Variants in FBXW8 observed in about 807,000 individuals in gnomAD.
FBXW8 encodes F-box/WD repeat-containing protein 8.
A neutral mutation model predicts 65.3 loss-of-function variants in FBXW8; 57 were observed. The ratio of observed to expected loss-of-function variants is 0.87; its 90% CI spans 0.71 to 1.09. The LOEUF (loss-of-function observed/expected upper bound fraction) is 1.09. Ranked by LOEUF, FBXW8 falls within the 50% of genes least tolerant of loss-of-function variation. FBXW8 has a pLI of 0.00. For synonymous variants in FBXW8, 308 were observed against 330.2 expected (o/e 0.93, Z 0.73); for missense variants, 777 against 814.8 (o/e 0.95, Z 0.57).
intron 3 of FBXW8, 104 bp from the exon 4 acceptor site, chr12:116,949,514 A>G: frequency 1.1e-6 from 1 of 938,172 alleles, no homozygotes; most frequent in Non-Finnish European, 1.7e-6. Context: ...CTTGTTGTCC[A>G]TGCTGTAGAG....
At chr12:116,913,614 G>C (rs1352029659) in intron 1 of FBXW8, among the ~76,000 whole-genome samples, 5 of 152,118 alleles carry the variant, frequency 3.3e-5, no homozygotes, top group African/African-American at 1.2e-4. Context: ...CTTCATGCTG[G>C]GTAGGCTGCT....
chr12:116,913,273 G>A (rs1302767830), intron 1 of FBXW8, among the ~76,000 whole-genome samples: 1 of 152,186 alleles, frequency 6.6e-6, no homozygotes, highest in African/African-American at 2.4e-5. Flanking sequence ...AGAGGTATAG[G>A]CATTGATGCC....
chr12:116,975,638 A>T lies in FBXW8; in HGVS notation c.836-9568A>T, dbSNP rs568877530. Among the ~76,000 whole-genome samples, 3 of 152,340 alleles carry T rather than the reference A, an allele frequency of 2.0e-5. No homozygotes were observed. In the East Asian group the frequency reaches 5.8e-4, roughly 29 times the overall value. On this transcript the variant is annotated intron_variant, in intron 5 of 10. Coordinates refer to ENST00000652555, the MANE Select transcript of FBXW8 (RefSeq NM_153348.3). ...AGAGAAAACTGGCAGATACCACCTT[A>T]ACCAAGTGATGATAGTTAACATGGC... is the stretch of plus-strand genomic sequence containing the variant.
intron 7 of FBXW8, among the ~76,000 whole-genome samples, chr12:116,998,850 T>A (rs1953442665): frequency 6.6e-6 from 1 of 152,256 alleles, no homozygotes; most frequent in Non-Finnish European, 1.5e-5. Flanking sequence ...GCAAATGGCC[T>A]ATGTGAGTTG....
rs1881478481 is a variant in FBXW8, at chr12:116,928,145, G to T, written c.423+18G>T. 1 of 1,467,772 alleles carries T rather than the reference G, an allele frequency of 6.8e-7. No individual in the cohort carries two copies. The highest frequency in any genetic ancestry group is 1.2e-5 in the South Asian group (1 of 85,972). 90.9% of individuals were successfully genotyped at this position (1,467,772 alleles called of 1,614,324 possible). A position where few individuals can be genotyped will look rare whatever the true frequency, so the allele number is the denominator to read the frequency against. The stretch of plus-strand genomic sequence containing the variant: ...GTGCACAGGTAAGGTGTCACCAACA[G>T]ATGTTCCAGATTTTCCTAAATGTGT... On this transcript the variant is annotated intron_variant, in intron 2 of 10. Transcript: ENST00000652555.
rs768185404 is a variant in FBXW8 at position 117,024,252 on chromosome 12, A to C, written c.1473A>C (p.Gly491=). Residue 491 remains glycine, a synonymous_variant, in exon 9 of 11, where the codon GGA becomes GGC. Coordinates refer to ENST00000652555, the MANE Select transcript of FBXW8 (RefSeq NM_153348.3). ...VQMDDWKIVS[G]GEEGLVSVWD... Reference sequence around the variant, plus strand: ...TGGATGACTGGAAGATCGTCAGTGGAGGCGAGGAAGGCCTGGTGTCCGTGT... The same window carrying C: ...TGGATGACTGGAAGATCGTCAGTGGCGGCGAGGAAGGCCTGGTGTCCGTGT... 1 of 1,614,130 alleles carries C rather than the reference A, an allele frequency of 6.2e-7. No homozygotes were observed. Among genetic ancestry groups the C allele is most frequent in the Non-Finnish European group, 8.5e-7 (1 of 1,180,016 alleles).
intron 2 of FBXW8, among the ~76,000 whole-genome samples, chr12:116,935,160 AAG>A (rs1472317111): frequency 6.6e-6 from 1 of 152,228 alleles, no homozygotes; most frequent in Non-Finnish European, 1.5e-5. Context: ...AATAAAGAAA[AAG>A]AGGGAAGATG....
In FBXW8 at chr12:117,029,962, A is replaced by G. The variant is rs541728889; in HGVS notation, c.*1790A>G. 9.2e-5 allele frequency: 14 copies of G among 152,286 alleles called. No individual in the cohort carries two copies. The highest frequency in any genetic ancestry group is 7.8e-4 in the Admixed American group (12 of 15,294). The allele number at this position is 152,286 out of a possible 1,614,324, so 9.4% of individuals were successfully genotyped here. A position where few individuals can be genotyped will look rare whatever the true frequency, so the allele number is the denominator to read the frequency against. ...CAAAATATACAACTCTTGATAAAACATAAAGGTACAGTGGTCTATGAGGAA... is the reference window on the plus strand; with the variant it reads ...CAAAATATACAACTCTTGATAAAACGTAAAGGTACAGTGGTCTATGAGGAA... On this transcript the variant is annotated 3_prime_UTR_variant, in exon 11 of 11. Transcript: ENST00000652555.
At chr12:117,027,095 G>T (rs556720642) in intron 9 of FBXW8, among the ~76,000 whole-genome samples, 2 of 152,208 alleles carry the variant, frequency 1.3e-5, no homozygotes, top group African/African-American at 4.8e-5. Context: ...TGGCTGATTC[G>T]TCTGCAGTAG....
At chr12:117,014,739 G>A (rs1953906925) in intron 8 of FBXW8, among the ~76,000 whole-genome samples, 1 of 152,172 alleles carries the variant, frequency 6.6e-6, no homozygotes, top group Non-Finnish European at 1.5e-5. Context: ...TGCCACATGG[G>A]TTGGCAGTGG....
In FBXW8 at chr12:117,028,208, G is replaced by A; in HGVS notation, c.*36G>A. 1 of 1,609,808 alleles carries A rather than the reference G, an allele frequency of 6.2e-7. No homozygotes were observed. Among genetic ancestry groups the A allele is most frequent in the Non-Finnish European group, 8.5e-7 (1 of 1,177,370 alleles). On this transcript the variant is annotated 3_prime_UTR_variant, in exon 11 of 11. Transcript: ENST00000652555. The surrounding 1 kb of genome is among the most constrained non-coding windows in gnomAD (Gnocchi z 4.1). Reference sequence around the variant, plus strand: ...CAGTTGGGAGCAAGGAGAAAAATGGGAAGAACCAGTTTTATCCATCTTAAA... The same window carrying A: ...CAGTTGGGAGCAAGGAGAAAAATGGAAAGAACCAGTTTTATCCATCTTAAA...
intron 5 of FBXW8, among the ~76,000 whole-genome samples, chr12:116,973,482 A>G (rs1884752198): frequency 6.6e-6 from 1 of 152,264 alleles, no homozygotes; most frequent in African/African-American, 2.4e-5. Context: ...TAACATCATC[A>G]GTAATGGTAG....
chr12:117,009,491 T>A (rs542467933), intron 7 of FBXW8, among the ~76,000 whole-genome samples: 1 of 152,280 alleles, frequency 6.6e-6, no homozygotes, highest in African/African-American at 2.4e-5. Flanking sequence ...ACTTGGTGTG[T>A]TTGTGTGTGT....
At chr12:117,019,129 G>A (rs1001334603) in intron 8 of FBXW8, among the ~76,000 whole-genome samples, 4 of 152,176 alleles carry the variant, frequency 2.6e-5, no homozygotes, top group Non-Finnish European at 4.4e-5. Flanking sequence ...TGTTTACAAA[G>A]TCATCTTCAA....
At chr12:116,992,646 T>A (rs1352699399) in intron 7 of FBXW8, among the ~76,000 whole-genome samples, 1 of 152,118 alleles carries the variant, frequency 6.6e-6, no homozygotes, top group Non-Finnish European at 1.5e-5. Flanking sequence ...AGTGAGAACA[T>A]GCTGTATTTA....
intron 4 of FBXW8, among the ~76,000 whole-genome samples, chr12:116,952,195 T>G (rs1346687226): frequency 6.6e-6 from 1 of 152,200 alleles, no homozygotes; most frequent in Non-Finnish European, 1.5e-5. Context: ...GGGCCCCATA[T>G]ATGACATTGG....
chr12:116,980,735 C>A (rs1885250674), intron 5 of FBXW8, among the ~76,000 whole-genome samples: 1 of 152,218 alleles, frequency 6.6e-6, no homozygotes. Context: ...GTTAAAACAT[C>A]TAGAAAAGTT....
intron 1 of FBXW8, among the ~76,000 whole-genome samples, chr12:116,918,801 G>A (rs1880640788): frequency 1.3e-5 from 2 of 152,196 alleles, no homozygotes; most frequent in Admixed American, 1.3e-4. Context: ...GGAAGTGGAT[G>A]TTGGGCAGGA....
At chr12:116,914,470 G>T (rs931433625) in intron 1 of FBXW8, among the ~76,000 whole-genome samples, 1 of 151,686 alleles carries the variant, frequency 6.6e-6, no homozygotes, top group Non-Finnish European at 1.5e-5. Context: ...CTACCTGGGA[G>T]GCTGATGTGG....
Sources: allele counts gnomAD v4.1 joint callset (sites outside exome capture counted in the v4.1 genomes callset), GRCh38; gene constraint gnomAD v4.1.1; non-coding constraint Gnocchi (gnomAD v3.1); transcripts MANE v1.5; gene names NCBI Gene and HGNC (gene_info 2026-07-23, HGNC 2026-07-21).